CCDC15: variants seen among roughly 807,000 people sequenced by gnomAD.
CCDC15 encodes the protein coiled-coil domain-containing protein 15.
In CCDC15, 105 loss-of-function variants were observed where a neutral mutation model predicts 114.5. The ratio of observed to expected loss-of-function variants is 0.92; its 90% CI spans 0.78 to 1.08. The LOEUF (loss-of-function observed/expected upper bound fraction) is 1.08, where lower values mean the gene tolerates loss of function less well. Among genes scored for constraint, CCDC15 ranks in the 50% least tolerant of loss-of-function variants. The pLI, the probability that CCDC15 is intolerant of heterozygous loss-of-function variation, is 0.00. For synonymous variants in CCDC15, 334 were observed against 377.8 expected, an observed-to-expected ratio of 0.88 and a Z score of 1.34; for missense variants, 1,105 against 1,093.6, an observed-to-expected ratio of 1.01 and a Z score of -0.15.
At chr11:124,968,572 T>C (rs541115417) in intron 4 of CCDC15, among the ~76,000 whole-genome samples, 12 of 152,272 alleles carry the variant, frequency 7.9e-5, no homozygotes, top group Non-Finnish European at 1.6e-4. Flanking sequence ...ATGGCTTCCC[T>C]TGGCTAGGAA....
chr11:125,039,124 G>A (rs1948798136), intron 15 of CCDC15, 55 bp downstream of exon 15: 2 of 1,471,458 alleles, frequency 1.4e-6, no homozygotes, highest in Non-Finnish European at 1.8e-6. Flanking sequence ...AAATAAATAA[G>A]AGTAGTGGTA....
chr11:124,972,603 TA>T (rs1385354048), intron 4 of CCDC15, among the ~76,000 whole-genome samples: 1 of 152,188 alleles, frequency 6.6e-6, no homozygotes. Flanking sequence ...GTTAATAACT[TA>T]AAAAATTACA....
Position 124,987,529 on chromosome 11 carries a change from C to T in CCDC15, c.1303C>T (p.Pro435Ser). Residue 435 changes from proline (P) to serine (S), a missense_variant, in exon 8 of 16, where the codon CCT becomes TCT. Transcript: ENST00000344762. Reference protein sequence around the residue: ...DVLLKDHCVLPKDQSILLKYQ... With the variant: ...DVLLKDHCVLSKDQSILLKYQ... ...TTTACTCAAAGACCACTGTGTTCTC[C>T]CTAAAGACCAGAGTATTCTACTCAA... 3.0e-5 allele frequency: 49 copies of T among 1,613,990 alleles called. 1 individual carries two copies. Among genetic ancestry groups the T allele is most frequent in the Non-Finnish European group, 4.0e-5 (47 of 1,179,890 alleles).
intron 12 of CCDC15, 73 bp from the exon 13 acceptor site, chr11:125,005,036 T>C: frequency 1.6e-6 from 1 of 638,568 alleles, no homozygotes; most frequent in Non-Finnish European, 2.7e-6. Context: ...TTGTCTATGG[T>C]ATAAGAATAT....
rs1037230231 is a variant in CCDC15 at position 125,040,573 on chromosome 11, C to A, written c.2735-17C>A. 4 of 1,594,370 alleles carry A rather than the reference C, an allele frequency of 2.5e-6. No homozygotes were observed. The Admixed American group carries it at 5.2e-5, about 21-fold the overall frequency. On this transcript the variant is annotated splice_polypyrimidine_tract_variant and intron_variant, in intron 15 of 15. Coordinates refer to ENST00000344762, the MANE Select transcript of CCDC15 (RefSeq NM_025004.3). ...GAATTTGACTTTATTCATTGCTGTG[C>A]AAACCTTTTTTTGCAGCATATACTC...
intron 8 of CCDC15, among the ~76,000 whole-genome samples, chr11:124,991,001 A>T (rs1377582124): frequency 6.6e-6 from 1 of 152,184 alleles, no homozygotes; most frequent in South Asian, 2.1e-4. Context: ...TTATATTCTG[A>T]TCTTGGTTAA....
chr11:124,958,737 C>G (rs184097436), intron 2 of CCDC15, among the ~76,000 whole-genome samples: 5 of 151,814 alleles, frequency 3.3e-5, no homozygotes, highest in Non-Finnish European at 7.4e-5. Flanking sequence ...ACTGAATAGG[C>G]CTTTACTAGG....
In CCDC15 at chr11:125,011,697, A is replaced by T. The variant is rs563234621; in HGVS notation, c.2411+6485A>T. Among the ~76,000 whole-genome samples, 44 of 152,326 alleles carry T rather than the reference A, an allele frequency of 2.9e-4. No homozygotes were observed. The South Asian group carries it at 5.8e-3, about 20-fold the overall frequency. ...GATAACTGATTTAAGCCTGCCTCTA[A>T]TATTTGCAGGATTGGGCTCACATAC... On this transcript the variant is annotated intron_variant, in intron 13 of 15. Coordinates refer to ENST00000344762, the MANE Select transcript of CCDC15 (RefSeq NM_025004.3).
intron 13 of CCDC15, among the ~76,000 whole-genome samples, chr11:125,021,432 A>G (rs1015101198): frequency 5.3e-5 from 8 of 151,858 alleles, no homozygotes; most frequent in African/African-American, 1.9e-4. Context: ...TAATACACAG[A>G]TATAACCGTT....
Position 125,006,796 on chromosome 11 carries a change from GC to G in CCDC15, c.2411+1586del, listed in dbSNP as rs554362704. On this transcript the variant is annotated intron_variant, in intron 13 of 15. Coordinates refer to ENST00000344762, the MANE Select transcript of CCDC15 (RefSeq NM_025004.3). ...AAGACCATCTTTTATTAATCATATT[GC>G]CTTTGCTCTTTTGTTAAAAATCAGT... 7.9e-5 allele frequency among the ~76,000 whole-genome samples: 12 copies of G among 150,956 alleles called. 1 individual carries two copies. The East Asian group carries it at 2.4e-3, about 30-fold the overall frequency.
At chr11:125,012,604 C>T (rs1015196957) in intron 13 of CCDC15, among the ~76,000 whole-genome samples, 15 of 152,092 alleles carry the variant, frequency 9.9e-5, no homozygotes, top group African/African-American at 3.6e-4. Flanking sequence ...GAAAATATTA[C>T]ACTTTAGTTG....
chr11:125,018,032 GAA>G (rs1207976997), intron 13 of CCDC15, among the ~76,000 whole-genome samples: 1 of 151,920 alleles, frequency 6.6e-6, no homozygotes, highest in East Asian at 1.9e-4. Context: ...ATTGAAGAAA[GAA>G]AATTAATTTT....
At chr11:124,996,383 A>T (rs1292961640) in intron 11 of CCDC15, among the ~76,000 whole-genome samples, 1 of 152,122 alleles carries the variant, frequency 6.6e-6, no homozygotes, top group African/African-American at 2.4e-5. Context: ...ATTATTACTT[A>T]TTCCTACTAT....
At chr11:125,024,725 A>G (rs1001807061) in intron 13 of CCDC15, among the ~76,000 whole-genome samples, 1 of 152,018 alleles carries the variant, frequency 6.6e-6, no homozygotes, top group African/African-American at 2.4e-5. Context: ...TTGTCTTCAA[A>G]TAAACACAGT....
intron 11 of CCDC15, among the ~76,000 whole-genome samples, chr11:124,998,263 A>G (rs981133762): frequency 2.6e-5 from 4 of 152,132 alleles, no homozygotes; most frequent in Non-Finnish European, 5.9e-5. Context: ...AGTGCTGACC[A>G]CATTTGTTTA....
rs777233071 is a variant in CCDC15, at chr11:124,986,698, T to TGCGC, written c.754-43_754-42insCGCG. On this transcript the variant is annotated intron_variant, in intron 6 of 15. Coordinates refer to ENST00000344762, the MANE Select transcript of CCDC15 (RefSeq NM_025004.3). Reference sequence around the variant, plus strand: ...GTGTGTGTGTGTGTGTGTTTGTGTGTGTGCGCGCGCGCGCGTGCGCGTTTT... The same window carrying TGCGC: ...GTGTGTGTGTGTGTGTGTTTGTGTGTGCGCGTGCGCGCGCGCGCGTGCGCGTTTT... 5.6e-5 allele frequency: 80 copies of TGCGC among 1,437,486 alleles called. No homozygotes were observed. The African/African-American group carries it at 6.9e-4, about 12-fold the overall frequency. The allele number at this position is 1,437,486 out of a possible 1,614,324, so 89.0% of individuals were successfully genotyped here. A position where few individuals can be genotyped will look rare whatever the true frequency, so the allele number is the denominator to read the frequency against.
chr11:125,011,365 G>A (rs922327800), intron 13 of CCDC15, among the ~76,000 whole-genome samples: 2 of 151,786 alleles, frequency 1.3e-5, no homozygotes, highest in East Asian at 3.9e-4. Flanking sequence ...AGCTTCCCAA[G>A]TAGCTGGGAC....
At chr11:125,011,899 G>A (rs896283036) in intron 13 of CCDC15, among the ~76,000 whole-genome samples, 1 of 152,164 alleles carries the variant, frequency 6.6e-6, no homozygotes, top group Non-Finnish European at 1.5e-5. Context: ...GCAGGAACAT[G>A]AGTGGAGAGT....
At chr11:125,004,678 C>T (rs1198765615) in intron 12 of CCDC15, among the ~76,000 whole-genome samples, 1 of 151,982 alleles carries the variant, frequency 6.6e-6, no homozygotes, top group Non-Finnish European at 1.5e-5. Flanking sequence ...TACCTCAGCC[C>T]TTCTACCCTC....
Sources: allele counts gnomAD v4.1 joint callset (sites outside exome capture counted in the v4.1 genomes callset), GRCh38; gene constraint gnomAD v4.1.1; transcripts MANE v1.5; gene names NCBI Gene and HGNC (gene_info 2026-07-23, HGNC 2026-07-21).